Variants in GAPVD1 observed in about 807,000 individuals in gnomAD.
The protein encoded by GAPVD1 is GTPase activating protein and VPS9 domains 1.
In GAPVD1, 35 loss-of-function variants were observed where a neutral mutation model predicts 155.5. The ratio of observed to expected loss-of-function variants is 0.23; its 90% CI spans 0.17 to 0.30. The LOEUF (loss-of-function observed/expected upper bound fraction) is 0.30, where lower values mean the gene tolerates loss of function less well. Among genes scored for constraint, GAPVD1 ranks in the 10% least tolerant of loss-of-function variants. The pLI is 1.00. For synonymous variants in GAPVD1, 636 were observed against 619.7 expected, an observed-to-expected ratio of 1.03 and a Z score of -0.39; for missense variants, 1,429 against 1,775.7, an observed-to-expected ratio of 0.80 and a Z score of 3.51.
intron 13 of GAPVD1, among the ~76,000 whole-genome samples, chr9:125,330,947 T>G (rs866235759): frequency 7.9e-5 from 12 of 151,830 alleles, no homozygotes; most frequent in African/African-American, 2.7e-4. Context: ...TTAATGTGTT[T>G]TTGAAATACG....
rs1445549230 is a variant in GAPVD1, at chr9:125,326,539, G to A, written c.1982G>A (p.Gly661Glu). ...VSETWSTDVL[G>E]SDFDPNIDED... ...GAGACCTGGAGTACAGACGTCTTGG[G>A]AAGTGACTTTGACCCTAATATTGAT... The change falls in exon 12 of 28, where the codon GGA becomes GAA. Residue 661 changes from glycine to glutamate, a missense_variant. Physicochemically the swap from Gly to Glu is moderately conservative, Grantham distance 98. This residue lies in a region of GAPVD1 where 699 missense variants were observed against 826.0 expected (regional missense o/e 0.85). Transcript: ENST00000297933. 1 of 1,613,042 alleles carries A rather than the reference G, an allele frequency of 6.2e-7. No homozygotes were observed. The highest frequency in any genetic ancestry group is 1.7e-5 in the Admixed American group (1 of 60,020).
Position 125,339,189 on chromosome 9 carries a change from T to A in GAPVD1, c.2877+1598T>A, listed in dbSNP as rs149026909. Reference sequence around the variant, plus strand: ...TTTTTGTAGAGATGGGGACTCACTGTGTTGCCCAGGTGCTTATCTTGAACT... The same window carrying A: ...TTTTTGTAGAGATGGGGACTCACTGAGTTGCCCAGGTGCTTATCTTGAACT... On this transcript the variant is annotated intron_variant, in intron 17 of 27. Coordinates refer to ENST00000297933, the MANE Select transcript of GAPVD1 (RefSeq NM_001282680.3). Among the ~76,000 whole-genome samples, 213 of 152,276 alleles carry A rather than the reference T, an allele frequency of 1.4e-3. 2 individuals are homozygous for A. Among genetic ancestry groups the A allele is most frequent in the Non-Finnish European group, 1.8e-3 (125 of 68,020 alleles).
In GAPVD1 at chr9:125,341,453, C is replaced by T; in HGVS notation, c.2965+189C>T. On this transcript the variant is annotated intron_variant, in intron 18 of 27. Transcript: ENST00000297933. Reference sequence around the variant, plus strand: ...GCAGAGCTTTAGAAATGTTCTTGTTCTTTGCAGGAAGTGATAGTGGTTTCA... The same window carrying T: ...GCAGAGCTTTAGAAATGTTCTTGTTTTTTGCAGGAAGTGATAGTGGTTTCA... 3 of 496,692 alleles carry T rather than the reference C, an allele frequency of 6.0e-6. 1 individual carries two copies. In the South Asian group the frequency reaches 8.5e-5, roughly 14 times the overall value. 30.8% of individuals were successfully genotyped at this position (496,692 alleles called of 1,614,324 possible).
chr9:125,355,263 G>A (rs960868397), intron 24 of GAPVD1, among the ~76,000 whole-genome samples: 1 of 151,958 alleles, frequency 6.6e-6, no homozygotes, highest in African/African-American at 2.4e-5. Context: ...GTGCCACCAC[G>A]CCCAGCTAAT....
intron 2 of GAPVD1, among the ~76,000 whole-genome samples, chr9:125,282,866 C>T (rs375355542): frequency 1.4e-4 from 22 of 151,828 alleles, no homozygotes; most frequent in Non-Finnish European, 2.4e-4. Context: ...AGTATTCTTT[C>T]GCCTATGTTA....
chr9:125,283,322 G>T (rs1448331108), intron 2 of GAPVD1, among the ~76,000 whole-genome samples: 1 of 151,902 alleles, frequency 6.6e-6, no homozygotes, highest in Non-Finnish European at 1.5e-5. Context: ...GCCTCCCAAA[G>T]TGCTGGGATT....
rs770409134 is a variant in GAPVD1 at position 125,346,773 on chromosome 9, G to A, written c.3047-46G>A. The A allele has an allele frequency of 1.0e-5, 15 of 1,502,956 alleles. 1 individual carries two copies. Among genetic ancestry groups the A allele is most frequent in the Middle Eastern group, 1.7e-4 (1 of 5,882 alleles). The allele number at this position is 1,502,956 out of a possible 1,614,324, so 93.1% of individuals were successfully genotyped here. On this transcript the variant is annotated intron_variant, in intron 19 of 27. Transcript: ENST00000297933. Reference sequence around the variant, plus strand: ...TGGTGTCATACTAACATCAGAGGTGGTACAAACCCAAGGGGCTAATTCTCT... The same window carrying A: ...TGGTGTCATACTAACATCAGAGGTGATACAAACCCAAGGGGCTAATTCTCT...
intron 17 of GAPVD1, among the ~76,000 whole-genome samples, chr9:125,338,198 C>T (rs1380939284): frequency 6.6e-6 from 1 of 152,102 alleles, no homozygotes; most frequent in Admixed American, 6.6e-5. Context: ...TTATTTTAAA[C>T]AATTTTAAAG....
At chr9:125,323,375 G>A (rs1844678047) in intron 10 of GAPVD1, among the ~76,000 whole-genome samples, 1 of 150,750 alleles carries the variant, frequency 6.6e-6, no homozygotes, top group African/African-American at 2.4e-5. Flanking sequence ...GCGCGATCTC[G>A]GCCCACTGCA....
intron 23 of GAPVD1, among the ~76,000 whole-genome samples, chr9:125,352,506 G>C (rs1022571566): frequency 4.6e-5 from 7 of 152,342 alleles, no homozygotes; most frequent in Non-Finnish European, 7.3e-5. Flanking sequence ...TTCAGCCATG[G>C]CTAGAGCGGC....
At chr9:125,293,702 AAT>A (rs1460245168) in intron 2 of GAPVD1, among the ~76,000 whole-genome samples, 7 of 48,540 alleles carry the variant, frequency 1.4e-4, no homozygotes, top group Non-Finnish European at 3.1e-4. Context: ...ATTTATATTA[AAT>A]ATATATTTTT....
chr9:125,291,054 A>G (rs1165894746), intron 2 of GAPVD1, among the ~76,000 whole-genome samples: 1 of 152,026 alleles, frequency 6.6e-6, no homozygotes, highest in East Asian at 1.9e-4. Context: ...TGGGAGGCCA[A>G]GGCAAGAGGC....
Position 125,355,793 on chromosome 9 carries a change from G to C in GAPVD1, c.3907G>C (p.Val1303Leu). 1 of 1,613,648 alleles carries C rather than the reference G, an allele frequency of 6.2e-7. No homozygotes were observed. Among genetic ancestry groups the C allele is most frequent in the African/African-American group, 1.3e-5 (1 of 75,016 alleles). The change falls in exon 25 of 28, where the codon GTG becomes CTG. Residue 1303 changes from valine (V) to leucine (L), a missense_variant. Around this residue, in one of 4 missense-constraint regions of GAPVD1, gnomAD observed 699 missense variants for 826.0 expected, o/e 0.85. Transcript: ENST00000297933. ...TGCACAGCTGGCCATTGAGCGAAGCGTGATGAACCGGATTTTCAAGCTCGC... is the reference window on the plus strand; with the variant it reads ...TGCACAGCTGGCCATTGAGCGAAGCCTGATGAACCGGATTTTCAAGCTCGC... ...QDAQLAIERSVMNRIFKLAFY... is the reference protein window; with the variant it reads ...QDAQLAIERSLMNRIFKLAFY...
intron 15 of GAPVD1, among the ~76,000 whole-genome samples, chr9:125,336,415 G>A (rs528817606): frequency 5.9e-5 from 9 of 152,216 alleles, no homozygotes; most frequent in Non-Finnish European, 1.2e-4. Context: ...TTTGCTGAGA[G>A]CAGTGTTAGA....
At chr9:125,325,731 A>T (rs188015654) in intron 11 of GAPVD1, among the ~76,000 whole-genome samples, 1 of 152,112 alleles carries the variant, frequency 6.6e-6, no homozygotes, top group Admixed American at 6.6e-5. Flanking sequence ...GGATTTGTTT[A>T]TCAGTGTATT....
intron 15 of GAPVD1, among the ~76,000 whole-genome samples, chr9:125,333,934 C>A (rs1846476161): frequency 6.6e-6 from 1 of 152,106 alleles, no homozygotes; most frequent in South Asian, 2.1e-4. Context: ...CTGGCCCCTA[C>A]CAGTAGTATA....
At chr9:125,357,588 A>G (rs1850282428) in intron 25 of GAPVD1, among the ~76,000 whole-genome samples, 1 of 151,940 alleles carries the variant, frequency 6.6e-6, no homozygotes, top group South Asian at 2.1e-4. Flanking sequence ...AAAAAAAATG[A>G]GAGAGAGAGA....
intron 11 of GAPVD1, 150 bp from the exon 12 acceptor site, chr9:125,326,266 C>T (rs1215818125): frequency 5.2e-6 from 3 of 575,234 alleles, no homozygotes; most frequent in Non-Finnish European, 9.2e-6. Context: ...GCCTGTAATC[C>T]CAGCACTTTG....
In GAPVD1 at chr9:125,350,385, A is replaced by G. The variant is rs768953339; in HGVS notation, c.3390A>G (p.Pro1130=). 2 of 1,601,966 alleles carry G rather than the reference A, an allele frequency of 1.2e-6. No individual in the cohort carries two copies. The highest frequency in any genetic ancestry group is 2.2e-5 in the East Asian group (1 of 44,842). ...VLTHSTRNGL[P]DHTDPEDNEI... Reference sequence around the variant, plus strand: ...CCCATTCAACAAGGAATGGTTTACCAGACCACACAGACCCAGAAGGTAAAT... The same window carrying G: ...CCCATTCAACAAGGAATGGTTTACCGGACCACACAGACCCAGAAGGTAAAT... The change falls in exon 22 of 28, where the codon CCA becomes CCG. Residue 1130 remains proline, a synonymous_variant. Transcript: ENST00000297933.
Sources: gnomAD v4.1 joint callset for allele counts (sites outside exome capture counted in the v4.1 genomes callset) on GRCh38, gnomAD v4.1.1 for gene constraint, gnomAD v4.1.1 regional missense constraint, MANE v1.5 for transcripts, NCBI Gene and HGNC (gene_info 2026-07-23, HGNC 2026-07-21) for gene names.